Variants in ARHGAP26 observed in about 807,000 individuals in gnomAD.
ARHGAP26 encodes rho GTPase-activating protein 26.
Under a neutral mutation model 104.8 loss-of-function variants are expected in ARHGAP26, and 38 were observed. That is an observed-to-expected ratio of 0.36 (90% CI 0.28 to 0.48). The LOEUF is 0.48. Ranked by LOEUF, ARHGAP26 falls within the 20% of genes least tolerant of loss-of-function variation. ARHGAP26 has a pLI of 0.99. For synonymous variants in ARHGAP26, 341 were observed against 340.0 expected, an observed-to-expected ratio of 1.00 and a Z score of -0.03; for missense variants, 704 against 947.9, an observed-to-expected ratio of 0.74 and a Z score of 3.38.
At chr5:143,191,602 CTAAAGAAAATA>C (rs553361547) in intron 20 of ARHGAP26, among the ~76,000 whole-genome samples, 9 of 152,184 alleles carry the variant, frequency 5.9e-5, no homozygotes, top group African/African-American at 2.2e-4. Flanking sequence ...AGAGATCAAT[CTAAAGAAAATA>C]TTAAGAAAAT....
chr5:142,895,463 C>A (rs944305804), intron 6 of ARHGAP26, among the ~76,000 whole-genome samples: 2 of 152,112 alleles, frequency 1.3e-5, no homozygotes, highest in East Asian at 3.9e-4. Context: ...ATCTCCTGAC[C>A]CCGTGATCCG....
chr5:143,216,318 CCT>C (rs1810348314), intron 22 of ARHGAP26: 1 of 470,726 alleles, frequency 2.1e-6, no homozygotes. Flanking sequence ...GCCATAACCC[CCT>C]CTTTACAGAG....
chr5:143,158,965 A>G (rs1232775732), intron 20 of ARHGAP26, among the ~76,000 whole-genome samples: 1 of 152,258 alleles, frequency 6.6e-6, no homozygotes, highest in African/African-American at 2.4e-5. Flanking sequence ...TCAAAATAAC[A>G]TAACTCAAGG....
chr5:143,030,874 T>G (rs1194155710), intron 12 of ARHGAP26, among the ~76,000 whole-genome samples: 1 of 152,274 alleles, frequency 6.6e-6, no homozygotes, highest in Non-Finnish European at 1.5e-5. Context: ...ATTGCCCTCA[T>G]GAATAAGTAT....
intron 11 of ARHGAP26, among the ~76,000 whole-genome samples, chr5:143,008,555 G>A (rs1212007643): frequency 1.1e-4 from 16 of 152,354 alleles, no homozygotes; most frequent in Admixed American, 7.8e-4. Context: ...GGGGATCATA[G>A]AGTTTGGATG....
intron 20 of ARHGAP26, among the ~76,000 whole-genome samples, chr5:143,190,033 GGGAA>G (rs1347464327): frequency 3.1e-5 from 3 of 95,338 alleles, no homozygotes; most frequent in African/African-American, 1.9e-4. Context: ...AAGGAGGGGG[GGGAA>G]AAAAAAAAAA....
intron 17 of ARHGAP26, among the ~76,000 whole-genome samples, chr5:143,097,821 CA>C (rs35803857): frequency 1.3e-4 from 16 of 121,080 alleles, no homozygotes; most frequent in Admixed American, 1.8e-4. Context: ...GACTCCAACT[CA>C]AAAAAAAAAA....
chr5:143,173,869 CT>C (rs1803123461), intron 20 of ARHGAP26, among the ~76,000 whole-genome samples: 1 of 152,140 alleles, frequency 6.6e-6, no homozygotes, highest in Non-Finnish European at 1.5e-5. Flanking sequence ...GATGATTTTT[CT>C]TTGGTGAAGG....
At chr5:143,031,062 GT>G in intron 12 of ARHGAP26, among the ~76,000 whole-genome samples, 3 of 152,262 alleles carry the variant, frequency 2.0e-5, no homozygotes, top group Non-Finnish European at 2.9e-5. Flanking sequence ...GGTAATGTGA[GT>G]TGGGAGCCAA....
Position 143,102,355 on chromosome 5 carries a change from T to C in ARHGAP26, c.1539-18633T>C, listed in dbSNP as rs1211328844. ...GTCTTCCTAGAAATGCCACCTCCAT[T>C]TCTTTCAGAGGTTTCCCTTCATTAA... On this transcript the variant is annotated intron_variant, in intron 17 of 22. Coordinates refer to ENST00000645722, the MANE Select transcript of ARHGAP26 (RefSeq NM_001135608.3). Among the ~76,000 whole-genome samples, 6 of 152,190 alleles carry C rather than the reference T, an allele frequency of 3.9e-5. No homozygotes were observed. In the East Asian group the frequency reaches 1.2e-3, roughly 29 times the overall value.
chr5:142,993,547 C>T (rs957211945), intron 11 of ARHGAP26, among the ~76,000 whole-genome samples: 1 of 152,184 alleles, frequency 6.6e-6, no homozygotes, highest in Non-Finnish European at 1.5e-5. Flanking sequence ...TCAGGTGATC[C>T]ACCTACCTTG....
chr5:142,945,906 T>C (rs988673713), intron 11 of ARHGAP26, among the ~76,000 whole-genome samples: 1 of 152,216 alleles, frequency 6.6e-6, no homozygotes, highest in African/African-American at 2.4e-5. Context: ...CCAGATCACA[T>C]ATTGCAATTA....
chr5:142,838,226 CCAGCCTGGGCAAGA>C (rs1359698355), intron 1 of ARHGAP26, among the ~76,000 whole-genome samples: 1 of 151,730 alleles, frequency 6.6e-6, no homozygotes, highest in Non-Finnish European at 1.5e-5. Flanking sequence ...CCACTGCACT[CCAGCCTGGGCAAGA>C]GAGTGAGACT....
intron 17 of ARHGAP26, among the ~76,000 whole-genome samples, chr5:143,072,100 G>T (rs1049843306): frequency 6.6e-6 from 1 of 151,978 alleles, no homozygotes; most frequent in African/African-American, 2.4e-5. Context: ...ATACAAAATG[G>T]GCAAGTGATC....
chr5:143,123,274 T>C (rs548143679), intron 18 of ARHGAP26, among the ~76,000 whole-genome samples: 1 of 152,374 alleles, frequency 6.6e-6, no homozygotes, highest in Admixed American at 6.5e-5. Context: ...ATAGGGTTTG[T>C]CGTCTTTGTG....
intron 11 of ARHGAP26, among the ~76,000 whole-genome samples, chr5:143,000,349 T>C (rs987293611): frequency 6.6e-6 from 1 of 152,344 alleles, no homozygotes; most frequent in South Asian, 2.1e-4. Flanking sequence ...AGCTTTATGA[T>C]AGCTACAGAC....
chr5:142,811,131 A>C (rs1486994126), intron 1 of ARHGAP26, among the ~76,000 whole-genome samples: 1 of 152,216 alleles, frequency 6.6e-6, no homozygotes, highest in Non-Finnish European at 1.5e-5. Flanking sequence ...CAATGGAAGT[A>C]AAAATAGACC....
chr5:142,991,778 A>G (rs992243269), intron 11 of ARHGAP26, among the ~76,000 whole-genome samples: 7 of 152,210 alleles, frequency 4.6e-5, no homozygotes, highest in Admixed American at 6.5e-5. Flanking sequence ...AGGCTATACC[A>G]TCTAGGTTTG....
chr5:143,185,643 C>T (rs576194316), intron 20 of ARHGAP26, among the ~76,000 whole-genome samples: 7 of 152,338 alleles, frequency 4.6e-5, no homozygotes, highest in African/African-American at 9.6e-5. Flanking sequence ...CTACTTTATC[C>T]GGTTCAGCAA....
Sources: allele counts gnomAD v4.1 joint callset (sites outside exome capture counted in the v4.1 genomes callset), GRCh38; gene constraint gnomAD v4.1.1; transcripts MANE v1.5; gene names NCBI Gene and HGNC (gene_info 2026-07-23, HGNC 2026-07-21).